The following SLC22A23 variants were observed in gnomAD, a reference collection of about 807,000 sequenced individuals.
The protein encoded by SLC22A23 is solute carrier family 22 member 23.
In SLC22A23, 26 loss-of-function variants were observed where a neutral mutation model predicts 61.0. That is an observed-to-expected ratio of 0.43 (90% CI 0.31 to 0.59). The LOEUF (loss-of-function observed/expected upper bound fraction) is 0.59, where lower values mean the gene tolerates loss of function less well. SLC22A23 is among the 20% of genes least tolerant of loss of function. SLC22A23 has a pLI of 0.11. For synonymous variants in SLC22A23, 430 were observed against 413.9 expected (o/e 1.04, Z -0.47); for missense variants, 796 against 934.7 (o/e 0.85, Z 1.94).
chr6:3,437,919 T>C (rs1053349205), intron 1 of SLC22A23, among the ~76,000 whole-genome samples: 1 of 151,782 alleles, frequency 6.6e-6, no homozygotes, highest in African/African-American at 2.4e-5. Context: ...AGCTAATTTT[T>C]TCGTGAAGAT....
intron 9 of SLC22A23, among the ~76,000 whole-genome samples, chr6:3,280,733 T>C (rs1759394829): frequency 6.6e-6 from 1 of 152,120 alleles, no homozygotes; most frequent in Non-Finnish European, 1.5e-5. Context: ...CCTGACCTCG[T>C]GATCTGCCCG....
intron 3 of SLC22A23, among the ~76,000 whole-genome samples, chr6:3,346,516 G>A (rs898559321): frequency 6.6e-6 from 1 of 152,136 alleles, no homozygotes; most frequent in Non-Finnish European, 1.5e-5. Flanking sequence ...TTCCAGCTTG[G>A]GTAGGGTCCC....
In SLC22A23 at chr6:3,406,071, G is replaced by A. The variant is rs114678800; in HGVS notation, c.913+4117C>T. 1.6e-3 allele frequency among the ~76,000 whole-genome samples: 244 copies of A among 152,278 alleles called. 1 individual carries two copies. The highest frequency in any genetic ancestry group is 2.9e-3 in the Non-Finnish European group (198 of 68,026). On this transcript the variant is annotated intron_variant, in intron 3 of 9. Transcript: ENST00000406686. ...GAAAAAACCCTTCATTTGCCCACAG[G>A]AACTAAGGTTTGGTCTGTCAGCAAA... is the stretch of plus-strand genomic sequence containing the variant.
At position 3,272,631 on chromosome 6, in the gene SLC22A23, A is replaced by C; in HGVS notation, c.*424T>G. 1.3e-5 allele frequency: 2 copies of C among 155,130 alleles called. No individual in the cohort carries two copies. The highest frequency in any genetic ancestry group is 2.9e-5 in the Non-Finnish European group (2 of 69,760). The allele number at this position is 155,130 out of a possible 1,614,324, so 9.6% of individuals were successfully genotyped here. Reference sequence around the variant, plus strand: ...TCCTCTCCTGCCTCTGCACGCAGGCAGGCAGCCTGGGGGGCTCCTGGGTGC... The same window carrying C: ...TCCTCTCCTGCCTCTGCACGCAGGCCGGCAGCCTGGGGGGCTCCTGGGTGC... On this transcript the variant is annotated 3_prime_UTR_variant, in exon 10 of 10. Transcript: ENST00000406686.
At chr6:3,446,408 A>G (rs1007047750) in intron 1 of SLC22A23, among the ~76,000 whole-genome samples, 2 of 152,260 alleles carry the variant, frequency 1.3e-5, no homozygotes, top group African/African-American at 4.8e-5. Context: ...CTAAGCAATT[A>G]GCAAAGGCAA....
intron 1 of SLC22A23, among the ~76,000 whole-genome samples, chr6:3,434,359 C>T (rs1771066524): frequency 6.6e-6 from 1 of 151,612 alleles, no homozygotes; most frequent in African/African-American, 2.4e-5. Context: ...CTTATGCCTG[C>T]AATCCTAGCA....
chr6:3,404,629 C>T (rs1307724118), intron 3 of SLC22A23, among the ~76,000 whole-genome samples: 2 of 152,134 alleles, frequency 1.3e-5, no homozygotes, highest in African/African-American at 4.8e-5. Flanking sequence ...GACCCATGAC[C>T]AGTGGCCCTG....
chr6:3,400,786 C>T (rs1006039528), intron 3 of SLC22A23, among the ~76,000 whole-genome samples: 11 of 152,258 alleles, frequency 7.2e-5, no homozygotes, highest in African/African-American at 2.4e-4. Context: ...AGTCTTCACA[C>T]ACTGCCTTTC....
At chr6:3,439,166 T>A (rs1415653669) in intron 1 of SLC22A23, 1 of 339,520 alleles carries the variant, frequency 2.9e-6, no homozygotes, top group African/African-American at 2.2e-5. Flanking sequence ...CCCTGTAGGA[T>A]GTTTAGCAGT....
chr6:3,347,258 C>T (rs1261685420), intron 3 of SLC22A23, among the ~76,000 whole-genome samples: 2 of 141,386 alleles, frequency 1.4e-5, no homozygotes, highest in Non-Finnish European at 3.0e-5. Context: ...TTGTCTTACA[C>T]GCACATGCAT....
At chr6:3,315,714 A>G (rs1762597690) in intron 4 of SLC22A23, among the ~76,000 whole-genome samples, 1 of 152,104 alleles carries the variant, frequency 6.6e-6, no homozygotes, top group Admixed American at 6.5e-5. Context: ...AATACAAAAA[A>G]TTAGCCAGGC....
chr6:3,405,093 T>C (rs1200425804), intron 3 of SLC22A23, among the ~76,000 whole-genome samples: 2 of 151,990 alleles, frequency 1.3e-5, no homozygotes, highest in Non-Finnish European at 2.9e-5. Flanking sequence ...ACCCTGTCTC[T>C]ACTAAAAATA....
At chr6:3,400,831 T>C (rs2127498370) in intron 3 of SLC22A23, among the ~76,000 whole-genome samples, 1 of 152,218 alleles carries the variant, frequency 6.6e-6, no homozygotes, top group East Asian at 1.9e-4. Context: ...CAAAACTGCA[T>C]CTCTAACTCA....
At position 3,269,694 on chromosome 6, in the gene SLC22A23, A is replaced by G. The variant is rs1758352906; in HGVS notation, c.*3361T>C. The stretch of plus-strand genomic sequence containing the variant: ...AAGTGTTCGCCGCTAGACATGACAC[A>G]CCATACTGCTTTTCCAAAACACACG... On this transcript the variant is annotated 3_prime_UTR_variant, in exon 10 of 10. Transcript: ENST00000406686. 1 of 152,800 alleles carries G rather than the reference A, an allele frequency of 6.5e-6. No homozygotes were observed. 9.5% of individuals were successfully genotyped at this position (152,800 alleles called of 1,614,324 possible).
intron 3 of SLC22A23, among the ~76,000 whole-genome samples, chr6:3,340,331 G>A (rs994227652): frequency 2.2e-4 from 33 of 152,130 alleles, no homozygotes; most frequent in Admixed American, 6.5e-5. Flanking sequence ...TAAAACGCCC[G>A]CCGGTCACAT....
At chr6:3,396,800 C>A (rs1269750345) in intron 3 of SLC22A23, among the ~76,000 whole-genome samples, 1 of 152,206 alleles carries the variant, frequency 6.6e-6, no homozygotes, top group African/African-American at 2.4e-5. Context: ...AAACCCATCT[C>A]CCTTCTGGCT....
chr6:3,289,649 C>A (rs761247253), intron 6 of SLC22A23, 115 bp downstream of exon 6: 1 of 811,766 alleles, frequency 1.2e-6, no homozygotes, highest in Non-Finnish European at 2.0e-6. Flanking sequence ...TTCACACACA[C>A]ACCCTTAGGA....
chr6:3,429,762 GA>G (rs1222472487), intron 1 of SLC22A23, among the ~76,000 whole-genome samples: 1 of 152,216 alleles, frequency 6.6e-6, no homozygotes, highest in Non-Finnish European at 1.5e-5. Flanking sequence ...ACACATGGAT[GA>G]ACCTTGAAGA....
chr6:3,276,430 CTTTG>C (rs1758910342), intron 9 of SLC22A23, among the ~76,000 whole-genome samples: 1 of 152,228 alleles, frequency 6.6e-6, no homozygotes, highest in Admixed American at 6.5e-5. Flanking sequence ...ACCCCCTAGA[CTTTG>C]TTTCCTCACC....
Sources: allele counts gnomAD v4.1 joint callset (sites outside exome capture counted in the v4.1 genomes callset), GRCh38; gene constraint gnomAD v4.1.1; transcripts MANE v1.5; gene names NCBI Gene and HGNC (gene_info 2026-07-23, HGNC 2026-07-21).